The following POLR3C variants were observed in gnomAD, a reference collection of about 807,000 sequenced individuals.
POLR3C encodes RNA polymerase III subunit C.
In POLR3C, 44 loss-of-function variants were observed where a neutral mutation model predicts 65.9. That is an observed-to-expected ratio of 0.67 (90% CI 0.52 to 0.86). The LOEUF is 0.86. POLR3C is among the 40% of genes least tolerant of loss of function. The pLI is 0.00. For synonymous variants in POLR3C, 263 were observed against 231.6 expected, an observed-to-expected ratio of 1.14 and a Z score of -1.23; for missense variants, 576 against 653.2, an observed-to-expected ratio of 0.88 and a Z score of 1.29.
intron 14 of POLR3C, 44 bp from the exon 15 acceptor site, chr1:145,842,295 T>C: frequency 8.4e-7 from 1 of 1,190,482 alleles, no homozygotes; most frequent in Non-Finnish European, 1.2e-6. Flanking sequence ...TTAAATATGC[T>C]AATGAACATT....
At chr1:145,835,585 T>G (rs1458047264) in intron 7 of POLR3C, among the ~76,000 whole-genome samples, 1 of 152,188 alleles carries the variant, frequency 6.6e-6, no homozygotes, top group African/African-American at 2.4e-5. Context: ...TTGTTTTTGT[T>G]TTTTTGTGAC....
intron 13 of POLR3C, 39 bp downstream of exon 13, chr1:145,840,204 A>G: frequency 7.8e-7 from 1 of 1,286,498 alleles, no homozygotes; most frequent in Non-Finnish European, 1.1e-6. Flanking sequence ...ACATCTTTCA[A>G]GATCAAGGGC....
At chr1:145,840,297 C>T (rs778222336) in intron 13 of POLR3C, 132 bp downstream of exon 13, 32 of 662,260 alleles carry the variant, frequency 4.8e-5, no homozygotes, top group Non-Finnish European at 6.9e-5. Context: ...CCCAGCACTT[C>T]GGGAGGCTGA....
rs782019442 is a variant in POLR3C, at chr1:145,828,762, G to A, written c.603G>A (p.Arg201=). 6.2e-7 allele frequency: 1 copy of A among 1,606,592 alleles called. No homozygotes were observed. The highest frequency in any genetic ancestry group is 8.5e-7 in the Non-Finnish European group (1 of 1,173,182). The part of the protein sequence containing the change: ...PKLSLIGKGK[R]RRSSDEDAAG... Reference sequence around the variant, plus strand: ...TTTGTTTGGCAGGGAAAGGTAAAAGGAGGAGATCATCTGATGAAGATGCTG... The same window carrying A: ...TTTGTTTGGCAGGGAAAGGTAAAAGAAGGAGATCATCTGATGAAGATGCTG... The change falls in exon 5 of 15, where the codon AGG becomes AGA. Residue 201 remains arginine (R), a synonymous_variant. Transcript: ENST00000334163.
chr1:145,829,090 A>G (rs377027991), intron 5 of POLR3C, among the ~76,000 whole-genome samples: 8 of 152,350 alleles, frequency 5.3e-5, no homozygotes, highest in East Asian at 3.9e-4. Context: ...TAGGTTGCTC[A>G]ATATGGCGAG....
intron 13 of POLR3C, 22 bp from the exon 14 acceptor site, chr1:145,840,900 C>T (rs782008854): frequency 6.2e-7 from 1 of 1,604,686 alleles, no homozygotes; most frequent in Non-Finnish European, 8.5e-7. Flanking sequence ...GAAGATGTCT[C>T]AGAGTTGTGT....
Position 145,840,909 on chromosome 1 carries a change from GT to G in POLR3C, c.1374-10del. ...GTTAGGGAAGATGTCTCAGAGTTGT[GT>G]TTGTTTGACAGGCGTCTACTAGAAA... On this transcript the variant is annotated splice_polypyrimidine_tract_variant and intron_variant, in intron 13 of 14. Coordinates refer to ENST00000334163, the MANE Select transcript of POLR3C (RefSeq NM_006468.8). The G allele has an allele frequency of 6.2e-7, 1 of 1,609,958 alleles. No individual in the cohort carries two copies. Among genetic ancestry groups the G allele is most frequent in the South Asian group, 1.1e-5 (1 of 90,942 alleles).
chr1:145,835,763 AG>A (rs1651765574), intron 7 of POLR3C, among the ~76,000 whole-genome samples: 1 of 152,016 alleles, frequency 6.6e-6, no homozygotes, highest in African/African-American at 2.4e-5. Context: ...TAGTAGAGAC[AG>A]GGTTTCACTG....
chr1:145,840,038 AC>A lies in POLR3C; in HGVS notation c.1323+51del, dbSNP rs1453104968. 31 of 1,485,934 alleles carry A rather than the reference AC, an allele frequency of 2.1e-5. No homozygotes were observed. In the African/African-American group the frequency reaches 3.7e-4, roughly 18 times the overall value. The allele number at this position is 1,485,934 out of a possible 1,614,324, so 92.0% of individuals were successfully genotyped here. A position where few individuals can be genotyped will look rare whatever the true frequency, so the allele number is the denominator to read the frequency against. Reference sequence around the variant, plus strand: ...CCCCATTTCCTCCATACGGTCAAGTACCCCTCATGTGCCCACTTCGCCCTGA... The same window carrying A: ...CCCCATTTCCTCCATACGGTCAAGTACCCTCATGTGCCCACTTCGCCCTGA... On this transcript the variant is annotated intron_variant, in intron 12 of 14. Coordinates refer to ENST00000334163, the MANE Select transcript of POLR3C (RefSeq NM_006468.8).
chr1:145,835,075 G>A (rs587682783), intron 7 of POLR3C, among the ~76,000 whole-genome samples: 6 of 142,508 alleles, frequency 4.2e-5, no homozygotes, highest in African/African-American at 1.6e-4. Context: ...GAGCCCAAGA[G>A]TTGAGGTTGC....
intron 14 of POLR3C, among the ~76,000 whole-genome samples, chr1:145,842,057 C>G (rs764192634): frequency 7.9e-5 from 12 of 152,138 alleles, no homozygotes; most frequent in Non-Finnish European, 1.3e-4. Flanking sequence ...ACACTAGGTC[C>G]TTTTATACCT....
At chr1:145,840,507 T>C in intron 13 of POLR3C, 1 of 274,032 alleles carries the variant, frequency 3.6e-6, no homozygotes. Flanking sequence ...GCCACTGCAC[T>C]CCAGCCTGGG....
At chr1:145,837,354 T>G (rs587690563) in intron 9 of POLR3C, among the ~76,000 whole-genome samples, 182 bp from the exon 10 acceptor site, 1 of 152,324 alleles carries the variant, frequency 6.6e-6, no homozygotes, top group East Asian at 1.9e-4. Flanking sequence ...GCAAAACCCT[T>G]ACTTAAACAC....
rs781975204 is a variant in POLR3C, at chr1:145,841,027, T to C, written c.1479T>C (p.Ala493=). The C allele has an allele frequency of 3.1e-6, 5 of 1,613,736 alleles. No homozygotes were observed. The South Asian group carries it at 5.5e-5, about 18-fold the overall frequency. ...AAGAAATAGAGGAGATGATCACAGC[T>C]CCTGAACGTCAGCAGCTAGAGACCC... ...QLQEIEEMIT[A]PERQQLETLK... is the part of the protein sequence containing the mutation. The change falls in exon 14 of 15, where the codon GCT becomes GCC. Residue 493 remains alanine, a synonymous_variant. Transcript: ENST00000334163.
In POLR3C at chr1:145,839,934, T is replaced by TTTATATATATATATTATTA; in HGVS notation, c.1273_1274insTATATATTATTATTATATA (p.Thr425IlefsTer35). ...ACCATGCCCCATCCAGGACCTTCTA[T>TTTATATATATATATTATTA]TTATATACTGTGAACATCCTGTCAG... On this transcript the variant is annotated frameshift_variant, in exon 12 of 15. Coordinates refer to ENST00000334163, the MANE Select transcript of POLR3C (RefSeq NM_006468.8). LOFTEE classifies it high-confidence loss of function. The TTTATATATATATATTATTA allele has an allele frequency of 6.2e-7, 1 of 1,612,204 alleles. No homozygotes were observed.
intron 13 of POLR3C, 48 bp downstream of exon 13, chr1:145,840,213 G>A (rs1652180840): frequency 2.5e-6 from 3 of 1,206,530 alleles, no homozygotes; most frequent in East Asian, 4.7e-5. Context: ...AAGATCAAGG[G>A]CCTCAGGGGA....
chr1:145,829,560 A>AT (rs1651116724), intron 5 of POLR3C, among the ~76,000 whole-genome samples: 1 of 152,218 alleles, frequency 6.6e-6, no homozygotes, highest in South Asian at 2.1e-4. Context: ...ACATCCACTG[A>AT]TTAGACTCCT....
At chr1:145,833,451 G>A in intron 6 of POLR3C, 39 bp from the exon 7 acceptor site, 1 of 1,553,676 alleles carries the variant, frequency 6.4e-7, no homozygotes, top group Admixed American at 1.7e-5. Flanking sequence ...GCCAGGGGCA[G>A]CACTGTGATT....
At chr1:145,837,987 C>T (rs1651987464) in intron 10 of POLR3C, 69 bp from the exon 11 acceptor site, 1 of 1,402,752 alleles carries the variant, frequency 7.1e-7, no homozygotes, top group Non-Finnish European at 1.0e-6. Context: ...GAACAACCAC[C>T]CCATCTATGA....
Sources: gnomAD v4.1 joint callset for allele counts (sites outside exome capture counted in the v4.1 genomes callset) on GRCh38, gnomAD v4.1.1 for gene constraint, MANE v1.5 for transcripts, NCBI Gene and HGNC (gene_info 2026-07-23, HGNC 2026-07-21) for gene names.